The following CNTNAP4 variants were observed in gnomAD, a reference collection of about 807,000 sequenced individuals.
CNTNAP4 encodes contactin associated protein family member 4, also known as contactin-associated protein-like 4.
CNTNAP4 carries 98 observed loss-of-function variants against 148.4 expected under a neutral mutation model. The observed-to-expected ratio is 0.66, with a 90% confidence interval of 0.56 to 0.78. CNTNAP4 has a LOEUF of 0.78. Ranked by LOEUF, CNTNAP4 falls within the 30% of genes least tolerant of loss-of-function variation. The pLI is 0.00. For synonymous variants in CNTNAP4, 730 were observed against 565.1 expected (o/e 1.29, Z -4.14); for missense variants, 1,935 against 1,565.6 (o/e 1.24, Z -3.98).
intron 1 of CNTNAP4, among the ~76,000 whole-genome samples, chr16:76,286,367 C>A (rs550502608): frequency 6.6e-6 from 1 of 152,000 alleles, no homozygotes. Context: ...AGAGTAGTCT[C>A]CAGTATGCTT....
intron 1 of CNTNAP4, among the ~76,000 whole-genome samples, chr16:76,282,655 A>C (rs941597390): frequency 6.6e-6 from 1 of 151,920 alleles, no homozygotes; most frequent in Non-Finnish European, 1.5e-5. Flanking sequence ...CTGCCCACTA[A>C]GAGCTCATGA....
At chr16:76,454,545 A>T (rs1186813858) in intron 8 of CNTNAP4, among the ~76,000 whole-genome samples, 1 of 152,222 alleles carries the variant, frequency 6.6e-6, no homozygotes, top group Non-Finnish European at 1.5e-5. Flanking sequence ...TACACTGAGG[A>T]TAACACAAGT....
At chr16:76,286,174 A>AGTGTGTGTGTGTGTGT (rs57003243) in intron 1 of CNTNAP4, among the ~76,000 whole-genome samples, 6 of 134,912 alleles carry the variant, frequency 4.4e-5, no homozygotes, top group Non-Finnish European at 9.6e-5. Context: ...TAGAATTATC[A>AGTGTGTGTGTGTGTGT]GTGTGTGTGT....
chr16:76,535,795 C>T lies in CNTNAP4; in HGVS notation c.2995+11C>T. ...CATTCTGCTCAAATGGTAAGTGTGG[C>T]ATGGAAGACTGTAAGAGGAAAATTT... On this transcript the variant is annotated intron_variant, in intron 18 of 23. Transcript: ENST00000611870. 1 of 1,606,898 alleles carries T rather than the reference C, an allele frequency of 6.2e-7. No individual in the cohort carries two copies. Among genetic ancestry groups the T allele is most frequent in the Non-Finnish European group, 8.5e-7 (1 of 1,174,658 alleles).
At chr16:76,545,267 G>T (rs766892430) in intron 21 of CNTNAP4, among the ~76,000 whole-genome samples, 1 of 152,068 alleles carries the variant, frequency 6.6e-6, no homozygotes, top group Non-Finnish European at 1.5e-5. Context: ...GGCTTTAGTC[G>T]ATTCCAGAGG....
intron 8 of CNTNAP4, 24 bp from the exon 9 acceptor site, chr16:76,461,932 C>T (rs199579421): frequency 5.6e-6 from 9 of 1,610,666 alleles, no homozygotes; most frequent in South Asian, 1.1e-5. Context: ...TGAGAGCGAT[C>T]TCTAACTGAT....
intron 17 of CNTNAP4, among the ~76,000 whole-genome samples, chr16:76,531,568 T>C (rs1379323631): frequency 6.6e-6 from 1 of 152,156 alleles, no homozygotes; most frequent in African/African-American, 2.4e-5. Context: ...AGAAAATTAA[T>C]TGGAAGACAG....
chr16:76,513,214 G>T (rs1215053519), intron 15 of CNTNAP4, among the ~76,000 whole-genome samples: 2 of 152,164 alleles, frequency 1.3e-5, no homozygotes, highest in Admixed American at 1.3e-4. Flanking sequence ...AAGGTGAACA[G>T]GTGTGGTGGT....
At chr16:76,480,792 GT>G (rs1427494884) in intron 12 of CNTNAP4, among the ~76,000 whole-genome samples, 2 of 152,110 alleles carry the variant, frequency 1.3e-5, no homozygotes, top group African/African-American at 4.8e-5. Context: ...TATAATATCA[GT>G]TCTTCCAAAC....
At chr16:76,477,120 A>G (rs2081613982) in intron 11 of CNTNAP4, among the ~76,000 whole-genome samples, 1 of 152,168 alleles carries the variant, frequency 6.6e-6, no homozygotes, top group African/African-American at 2.4e-5. Context: ...GCTACTTAAA[A>G]TAGTTGAGGC....
chr16:76,298,765 A>G (rs896888113), intron 1 of CNTNAP4, among the ~76,000 whole-genome samples: 1 of 152,102 alleles, frequency 6.6e-6, no homozygotes, highest in African/African-American at 2.4e-5. Context: ...ATCAAGGGGC[A>G]CATTTCCTGA....
Position 76,452,282 on chromosome 16 carries a change from C to T in CNTNAP4, c.1072-226C>T, listed in dbSNP as rs1288973423. 2.0e-5 allele frequency among the ~76,000 whole-genome samples: 3 copies of T among 152,256 alleles called. No homozygotes were observed. In the East Asian group the frequency reaches 5.8e-4, roughly 29 times the overall value. On this transcript the variant is annotated intron_variant, in intron 7 of 23. Transcript: ENST00000611870. ...TGTGTATTCTTCTAAATAAGCTTGACTTCATTGACTTTTAAATTTATATTA... is the reference window on the plus strand; with the variant it reads ...TGTGTATTCTTCTAAATAAGCTTGATTTCATTGACTTTTAAATTTATATTA...
chr16:76,539,022 T>C (rs1024512978), intron 19 of CNTNAP4, among the ~76,000 whole-genome samples: 3 of 152,066 alleles, frequency 2.0e-5, no homozygotes, highest in Non-Finnish European at 4.4e-5. Flanking sequence ...CCAAGGGTAC[T>C]GTACTGAACA....
At chr16:76,370,683 A>T (rs1210571345) in intron 3 of CNTNAP4, among the ~76,000 whole-genome samples, 2 of 152,144 alleles carry the variant, frequency 1.3e-5, no homozygotes, top group Non-Finnish European at 2.9e-5. Context: ...TGAAGAAGGT[A>T]TGTTACTAAC....
chr16:76,536,294 C>T (rs941412713), intron 18 of CNTNAP4, among the ~76,000 whole-genome samples: 2 of 152,086 alleles, frequency 1.3e-5, no homozygotes, highest in Non-Finnish European at 2.9e-5. Context: ...CTCCCAGGTT[C>T]AAGCGATTCT....
chr16:76,347,639 G>A (rs1279839804), intron 2 of CNTNAP4, among the ~76,000 whole-genome samples: 1 of 152,108 alleles, frequency 6.6e-6, no homozygotes, highest in Non-Finnish European at 1.5e-5. Flanking sequence ...TAATATTCGA[G>A]CAAGAGACTT....
chr16:76,311,318 C>G (rs1265979697), intron 1 of CNTNAP4, among the ~76,000 whole-genome samples: 3 of 152,074 alleles, frequency 2.0e-5, no homozygotes, highest in Non-Finnish European at 4.4e-5. Flanking sequence ...TATATACAAT[C>G]TGCCAGAGAT....
intron 12 of CNTNAP4, among the ~76,000 whole-genome samples, chr16:76,489,214 A>G (rs192530751): frequency 2.2e-4 from 34 of 152,254 alleles, no homozygotes; most frequent in Middle Eastern, 3.4e-3. Context: ...TTATTTCTTG[A>G]ATTCTAATAT....
chr16:76,296,428 A>G (rs1377241076), intron 1 of CNTNAP4, among the ~76,000 whole-genome samples: 1 of 152,220 alleles, frequency 6.6e-6, no homozygotes, highest in Non-Finnish European at 1.5e-5. Context: ...AGATACATTT[A>G]GGGCTTATGT....
Sources: gnomAD v4.1 joint callset for allele counts (sites outside exome capture counted in the v4.1 genomes callset) on GRCh38, gnomAD v4.1.1 for gene constraint, MANE v1.5 for transcripts, NCBI Gene and HGNC (gene_info 2026-07-23, HGNC 2026-07-21) for gene names.